IKZF3: variants seen among roughly 807,000 people sequenced by gnomAD.
IKZF3 encodes IKAROS family zinc finger 3.
Under a neutral mutation model 49.0 loss-of-function variants are expected in IKZF3, and 10 were observed. The ratio of observed to expected loss-of-function variants is 0.20; its 90% CI spans 0.13 to 0.35. IKZF3 has a LOEUF of 0.35. Among genes scored for constraint, IKZF3 ranks in the 10% least tolerant of loss-of-function variants. The probability of loss-of-function intolerance (pLI) is 1.00; values close to 1 mark genes in which losing one functional copy is unlikely to be tolerated. For synonymous variants in IKZF3, 209 were observed against 228.2 expected, an observed-to-expected ratio of 0.92 and a Z score of 0.76; for missense variants, 498 against 664.8, an observed-to-expected ratio of 0.75 and a Z score of 2.76.
Position 39,761,475 on chromosome 17 carries a change from G to C in IKZF3, c.*4315C>G, listed in dbSNP as rs758354434. Reference sequence around the variant, plus strand: ...TGCATGCCTGTAATCCCAGCTACTTGGGAGGCTGAGGCAGGATTGCTTGAG... The same window carrying C: ...TGCATGCCTGTAATCCCAGCTACTTCGGAGGCTGAGGCAGGATTGCTTGAG... On this transcript the variant is annotated 3_prime_UTR_variant, in exon 8 of 8. Transcript: ENST00000346872. 1 of 152,088 alleles carries C rather than the reference G, an allele frequency of 6.6e-6. No individual in the cohort carries two copies. Among genetic ancestry groups the C allele is most frequent in the African/African-American group, 2.4e-5 (1 of 41,362 alleles). The allele number at this position is 152,088 out of a possible 1,614,324, so 9.4% of individuals were successfully genotyped here.
intron 1 of IKZF3, among the ~76,000 whole-genome samples, chr17:39,860,826 T>A (rs1190254394): frequency 6.6e-6 from 1 of 152,194 alleles, no homozygotes; most frequent in Non-Finnish European, 1.5e-5. Flanking sequence ...CAGCATCACA[T>A]AATATACTTA....
chr17:39,835,861 T>A, intron 1 of IKZF3: 1 of 613,640 alleles, frequency 1.6e-6, no homozygotes, highest in Non-Finnish European at 3.1e-6. Context: ...TGCTTACTGA[T>A]CTCATCCTCG....
chr17:39,855,779 C>T (rs150677593), intron 1 of IKZF3, among the ~76,000 whole-genome samples: 1 of 152,162 alleles, frequency 6.6e-6, no homozygotes, highest in African/African-American at 2.4e-5. Flanking sequence ...TAAACTACTC[C>T]CAGAAACTTG....
At chr17:39,802,425 A>G (rs924311914) in intron 3 of IKZF3, among the ~76,000 whole-genome samples, 2 of 151,128 alleles carry the variant, frequency 1.3e-5, no homozygotes, top group Non-Finnish European at 2.9e-5. Flanking sequence ...TAGGCAACAA[A>G]GTAAGACCCT....
intron 1 of IKZF3, among the ~76,000 whole-genome samples, chr17:39,853,267 G>T (rs572572869): frequency 6.6e-6 from 1 of 152,188 alleles, no homozygotes; most frequent in South Asian, 2.1e-4. Context: ...CACAAAAAAG[G>T]TATTCAATAA....
chr17:39,771,424 C>T (rs1221944966), intron 7 of IKZF3, among the ~76,000 whole-genome samples: 1 of 152,210 alleles, frequency 6.6e-6, no homozygotes, highest in African/African-American at 2.4e-5. Context: ...TTGCAATCCA[C>T]TAGAGGAGAT....
rs1361868538 is a variant in IKZF3 at position 39,758,763 on chromosome 17, T to C, written c.*7027A>G. On this transcript the variant is annotated 3_prime_UTR_variant, in exon 8 of 8. Transcript: ENST00000346872. ...GCTGGTTCCAAGGGTCAGCAGATCCTCTGCCCTTGTGCATTAAAACAACAT... is the reference window on the plus strand; with the variant it reads ...GCTGGTTCCAAGGGTCAGCAGATCCCCTGCCCTTGTGCATTAAAACAACAT... 1 of 151,222 alleles carries C rather than the reference T, an allele frequency of 6.6e-6. No individual in the cohort carries two copies. Among genetic ancestry groups the C allele is most frequent in the Non-Finnish European group, 1.5e-5 (1 of 67,888 alleles). 9.4% of individuals were successfully genotyped at this position (151,222 alleles called of 1,614,324 possible).
intron 6 of IKZF3, among the ~76,000 whole-genome samples, chr17:39,786,744 C>T (rs945497309): frequency 6.6e-6 from 1 of 152,122 alleles, no homozygotes; most frequent in African/African-American, 2.4e-5. Flanking sequence ...CAGGTGTGTA[C>T]CACTGTGTAT....
At chr17:39,862,397 G>C (rs1037626152) in intron 1 of IKZF3, among the ~76,000 whole-genome samples, 1 of 152,052 alleles carries the variant, frequency 6.6e-6, no homozygotes, top group African/African-American at 2.4e-5. Context: ...ATTGCCAAGA[G>C]AGGTATACAC....
At position 39,782,412 on chromosome 17, in the gene IKZF3, A is replaced by AAC. The variant is rs58566623; in HGVS notation, c.710-4647_710-4646dup. 1.7e-3 allele frequency among the ~76,000 whole-genome samples: 255 copies of AAC among 150,646 alleles called. 3 individuals are homozygous for AAC. The highest frequency in any genetic ancestry group is 3.4e-3 in the Middle Eastern group (1 of 292). Reference sequence around the variant, plus strand: ...GTCTCTAAACAACAACAACAACAACAACACACACACACACACACATATCAC... The same window carrying AAC: ...GTCTCTAAACAACAACAACAACAACAACACACACACACACACACACATATCAC... On this transcript the variant is annotated intron_variant, in intron 6 of 7. Coordinates refer to ENST00000346872, the MANE Select transcript of IKZF3 (RefSeq NM_012481.5).
At chr17:39,795,825 G>T (rs2061147563) in intron 3 of IKZF3, among the ~76,000 whole-genome samples, 1 of 151,394 alleles carries the variant, frequency 6.6e-6, no homozygotes, top group Admixed American at 6.6e-5. Flanking sequence ...GGCCAAGGCA[G>T]GTGGATCACT....
At chr17:39,835,072 C>T (rs1036469053) in intron 1 of IKZF3, 2 of 424,934 alleles carry the variant, frequency 4.7e-6, no homozygotes, top group Non-Finnish European at 9.2e-6. Flanking sequence ...GAGCTGGAGC[C>T]CCCGCCAGAG....
chr17:39,784,260 C>T (rs2060818004), intron 6 of IKZF3, among the ~76,000 whole-genome samples: 1 of 152,144 alleles, frequency 6.6e-6, no homozygotes, highest in Admixed American at 6.5e-5. Flanking sequence ...AAATAAGAAT[C>T]AAGCTAATGG....
intron 1 of IKZF3, among the ~76,000 whole-genome samples, chr17:39,856,917 GA>G (rs542381942): frequency 1.9e-3 from 287 of 151,298 alleles, no homozygotes; most frequent in African/African-American, 6.8e-3. Context: ...TTAATATTTG[GA>G]AAAAAAAGCC....
chr17:39,826,669 G>T (rs933868728), intron 3 of IKZF3, among the ~76,000 whole-genome samples: 2 of 152,178 alleles, frequency 1.3e-5, no homozygotes, highest in Non-Finnish European at 2.9e-5. Flanking sequence ...CTCGGTAAAA[G>T]ACCCCCCTTC....
intron 3 of IKZF3, among the ~76,000 whole-genome samples, chr17:39,794,918 C>T (rs145018865): frequency 9.9e-5 from 15 of 152,176 alleles, no homozygotes; most frequent in African/African-American, 2.2e-4. Flanking sequence ...TGCATGTAGG[C>T]GTTTAAAAGA....
intron 1 of IKZF3, chr17:39,835,286 C>T: frequency 1.8e-6 from 1 of 550,540 alleles, no homozygotes; most frequent in Non-Finnish European, 3.5e-6. Context: ...TGGTCATCAG[C>T]TCCTGGTACT....
intron 3 of IKZF3, among the ~76,000 whole-genome samples, chr17:39,820,731 T>C (rs942494391): frequency 6.6e-6 from 1 of 152,162 alleles, no homozygotes; most frequent in African/African-American, 2.4e-5. Context: ...TAGATTATGC[T>C]AACGAGGTAG....
intron 3 of IKZF3, among the ~76,000 whole-genome samples, chr17:39,800,945 G>T (rs1567995782): frequency 6.6e-6 from 1 of 152,194 alleles, no homozygotes. Context: ...ATCAAAGATG[G>T]CAAACAGAAT....
Sources: allele counts gnomAD v4.1 joint callset (sites outside exome capture counted in the v4.1 genomes callset), GRCh38; gene constraint gnomAD v4.1.1; transcripts MANE v1.5; gene names NCBI Gene and HGNC (gene_info 2026-07-23, HGNC 2026-07-21).